The following CALHM5 variants were observed in gnomAD, a reference collection of about 807,000 sequenced individuals.
The protein encoded by CALHM5 is calcium homeostasis modulator protein 5.
In CALHM5, 17 loss-of-function variants were observed where a neutral mutation model predicts 20.9. The ratio of observed to expected loss-of-function variants is 0.82; its 90% CI spans 0.56 to 1.22. CALHM5 has a LOEUF of 1.22. Among genes scored for constraint, CALHM5 ranks in the 50% most tolerant of loss-of-function variants. The pLI is 0.00. For missense variants in CALHM5, 360 were observed against 364.6 expected (o/e 0.99, Z 0.10); for synonymous variants, 148 against 140.0 (o/e 1.06, Z -0.40).
At chr6:116,514,558 G>A (rs904780493) in intron 1 of CALHM5, among the ~76,000 whole-genome samples, 11 of 152,286 alleles carry the variant, frequency 7.2e-5, no homozygotes, top group African/African-American at 2.6e-4. Flanking sequence ...TTCAAGGTGA[G>A]TAACCCTCGT....
At chr6:116,514,696 T>C (rs926493441) in intron 1 of CALHM5, among the ~76,000 whole-genome samples, 2 of 152,222 alleles carry the variant, frequency 1.3e-5, no homozygotes, top group Admixed American at 1.3e-4. Context: ...AAACACTCTA[T>C]ATCTGAGTCA....
Position 116,523,786 on chromosome 6 carries a change from A to C in CALHM5, c.*7797A>C, listed in dbSNP as rs1463504702. 6.6e-6 allele frequency: 1 copy of C among 152,222 alleles called. No individual in the cohort carries two copies. The highest frequency in any genetic ancestry group is 2.4e-5 in the African/African-American group (1 of 41,472). The allele number at this position is 152,222 out of a possible 1,614,324, so 9.4% of individuals were successfully genotyped here. A position where few individuals can be genotyped will look rare whatever the true frequency, so the allele number is the denominator to read the frequency against. ...TTATAGGAAACATAAGCAACAAAAA[A>C]CAAGGCAATTAGCACCACAAAAAAA... On this transcript the variant is annotated 3_prime_UTR_variant, in exon 2 of 2. Transcript: ENST00000368599.
At position 116,517,169 on chromosome 6, in the gene CALHM5, C is replaced by T. The variant is rs1772244728; in HGVS notation, c.*1180C>T. 6.6e-6 allele frequency: 1 copy of T among 152,120 alleles called. No homozygotes were observed. Among genetic ancestry groups the T allele is most frequent in the African/African-American group, 2.4e-5 (1 of 41,422 alleles). The allele number at this position is 152,120 out of a possible 1,614,324, so 9.4% of individuals were successfully genotyped here. On this transcript the variant is annotated 3_prime_UTR_variant, in exon 2 of 2. Coordinates refer to ENST00000368599, the MANE Select transcript of CALHM5 (RefSeq NM_153711.5). Reference sequence around the variant, plus strand: ...CATGACCCAATTACTTCTCAAGGCTCTGCTTCTTAGTACTATCAGCTTGGG... The same window carrying T: ...CATGACCCAATTACTTCTCAAGGCTTTGCTTCTTAGTACTATCAGCTTGGG...
In CALHM5 at chr6:116,516,179, G is replaced by A. The variant is rs1168208022; in HGVS notation, c.*190G>A. 1.5e-6 allele frequency: 1 copy of A among 672,170 alleles called. No homozygotes were observed. The highest frequency in any genetic ancestry group is 2.2e-6 in the Non-Finnish European group (1 of 450,636). 41.6% of individuals were successfully genotyped at this position (672,170 alleles called of 1,614,324 possible). A position where few individuals can be genotyped will look rare whatever the true frequency, so the allele number is the denominator to read the frequency against. ...CAGGATGTGCTCAAATTGATGCTGAGGGGTGACAAAGGTGCTCTTGCATTG... is the reference window on the plus strand; with the variant it reads ...CAGGATGTGCTCAAATTGATGCTGAAGGGTGACAAAGGTGCTCTTGCATTG... On this transcript the variant is annotated 3_prime_UTR_variant, in exon 2 of 2. Coordinates refer to ENST00000368599, the MANE Select transcript of CALHM5 (RefSeq NM_153711.5).
At chr6:116,514,192 G>A (rs1020515331) in intron 1 of CALHM5, among the ~76,000 whole-genome samples, 3 of 152,142 alleles carry the variant, frequency 2.0e-5, no homozygotes, top group African/African-American at 7.2e-5. Context: ...CAATGCAAAC[G>A]TCATGTGAAA....
intron 1 of CALHM5, among the ~76,000 whole-genome samples, chr6:116,513,192 G>A (rs1280143899): frequency 1.3e-5 from 2 of 152,096 alleles, no homozygotes; most frequent in African/African-American, 2.4e-5. Flanking sequence ...TTTTCGACAA[G>A]GATTTGCCTT....
At chr6:116,512,473 T>TC in intron 1 of CALHM5, 2 of 502,896 alleles carry the variant, frequency 4.0e-6, no homozygotes, top group South Asian at 3.2e-5. Flanking sequence ...ATCCACTGGA[T>TC]TGTCCACATA....
chr6:116,514,762 G>A (rs946087980), intron 1 of CALHM5, among the ~76,000 whole-genome samples: 8 of 152,064 alleles, frequency 5.3e-5, no homozygotes, highest in Non-Finnish European at 1.0e-4. Context: ...GGTCTGAATG[G>A]GTTCATTTGT....
rs1020171473 is a variant in CALHM5 at position 116,524,254 on chromosome 6, G to A, written c.*8265G>A. The A allele has an allele frequency of 6.6e-5, 10 of 152,206 alleles. No homozygotes were observed. In the East Asian group the frequency reaches 7.7e-4, roughly 12 times the overall value. 9.4% of individuals were successfully genotyped at this position (152,206 alleles called of 1,614,324 possible). On this transcript the variant is annotated 3_prime_UTR_variant, in exon 2 of 2. Coordinates refer to ENST00000368599, the MANE Select transcript of CALHM5 (RefSeq NM_153711.5). ...TATTGAAGCTGGATGGTAGGTACAC[G>A]GAATTCATTACATTATTCTCTTTAC...
At position 116,520,910 on chromosome 6, in the gene CALHM5, G is replaced by A. The variant is rs906117787; in HGVS notation, c.*4921G>A. 6.6e-6 allele frequency: 1 copy of A among 151,596 alleles called. No homozygotes were observed. The highest frequency in any genetic ancestry group is 1.5e-5 in the Non-Finnish European group (1 of 67,956). The allele number at this position is 151,596 out of a possible 1,614,324, so 9.4% of individuals were successfully genotyped here. A position where few individuals can be genotyped will look rare whatever the true frequency, so the allele number is the denominator to read the frequency against. ...GATGAACTTTCAGAAGTTTTACAGT[G>A]AGCATTTTTTTTTTTATGAATTTAA... On this transcript the variant is annotated 3_prime_UTR_variant, in exon 2 of 2. Coordinates refer to ENST00000368599, the MANE Select transcript of CALHM5 (RefSeq NM_153711.5).
Position 116,520,188 on chromosome 6 carries a change from A to T in CALHM5, c.*4199A>T, listed in dbSNP as rs974365618. On this transcript the variant is annotated 3_prime_UTR_variant, in exon 2 of 2. Coordinates refer to ENST00000368599, the MANE Select transcript of CALHM5 (RefSeq NM_153711.5). ...TGTTTCAAAGCCTGATGATCCACTG[A>T]TTTACTCTAAAAACTGGTTAAAGCA... 4 of 152,118 alleles carry T rather than the reference A, an allele frequency of 2.6e-5. No individual in the cohort carries two copies. The highest frequency in any genetic ancestry group is 7.2e-5 in the African/African-American group (3 of 41,418). 9.4% of individuals were successfully genotyped at this position (152,118 alleles called of 1,614,324 possible).
In CALHM5 at chr6:116,518,638, C is replaced by T. The variant is rs543103850; in HGVS notation, c.*2649C>T. ...TGGAAAAAGACATATAGGAACTGGC[C>T]GATGCCGATGCCTCTTTTGCAGTGT... On this transcript the variant is annotated 3_prime_UTR_variant, in exon 2 of 2. Transcript: ENST00000368599. The T allele has an allele frequency of 3.0e-4, 46 of 152,264 alleles. No homozygotes were observed. Among genetic ancestry groups the T allele is most frequent in the African/African-American group, 8.9e-4 (37 of 41,532 alleles). The allele number at this position is 152,264 out of a possible 1,614,324, so 9.4% of individuals were successfully genotyped here.
In CALHM5 at chr6:116,522,088, G is replaced by A. The variant is rs1421809314; in HGVS notation, c.*6099G>A. ...TTGTCTCAGATATTCTAGCTTAGGG[G>A]TCAGGCATGTGAATGAAGGAGCCAT... On this transcript the variant is annotated 3_prime_UTR_variant, in exon 2 of 2. Transcript: ENST00000368599. 6.6e-6 allele frequency: 1 copy of A among 152,216 alleles called. No individual in the cohort carries two copies. The highest frequency in any genetic ancestry group is 2.4e-5 in the African/African-American group (1 of 41,432). The allele number at this position is 152,216 out of a possible 1,614,324, so 9.4% of individuals were successfully genotyped here. A position where few individuals can be genotyped will look rare whatever the true frequency, so the allele number is the denominator to read the frequency against.
intron 1 of CALHM5, among the ~76,000 whole-genome samples, chr6:116,515,279 A>G (rs887468832): frequency 7.2e-5 from 11 of 152,176 alleles, no homozygotes; most frequent in African/African-American, 2.7e-4. Flanking sequence ...TATCAGAGCT[A>G]ATACTATTTG....
rs1025899725 is a variant in CALHM5, at chr6:116,511,670, A to G, written c.-27A>G. 2.5e-6 allele frequency: 4 copies of G among 1,600,236 alleles called. No individual in the cohort carries two copies. The highest frequency in any genetic ancestry group is 3.4e-6 in the Non-Finnish European group (4 of 1,172,574). ...GCTGCTCTGCCAATAACAAAGGCAC[A>G]GCATTTTCCCTCTGTGCATCTCCAA... On this transcript the variant is annotated 5_prime_UTR_variant, in exon 1 of 2. Coordinates refer to ENST00000368599, the MANE Select transcript of CALHM5 (RefSeq NM_153711.5).
At chr6:116,512,457 G>C in intron 1 of CALHM5, 1 of 529,282 alleles carries the variant, frequency 1.9e-6, no homozygotes, top group Non-Finnish European at 3.3e-6. Context: ...GTTCTGAAAA[G>C]AAAATATCCA....
Position 116,521,945 on chromosome 6 carries a change from C to T in CALHM5, c.*5956C>T, listed in dbSNP as rs189229279. 1 of 152,170 alleles carries T rather than the reference C, an allele frequency of 6.6e-6. No individual in the cohort carries two copies. The highest frequency in any genetic ancestry group is 1.9e-4 in the East Asian group (1 of 5,152). The allele number at this position is 152,170 out of a possible 1,614,324, so 9.4% of individuals were successfully genotyped here. A position where few individuals can be genotyped will look rare whatever the true frequency, so the allele number is the denominator to read the frequency against. On this transcript the variant is annotated 3_prime_UTR_variant, in exon 2 of 2. Coordinates refer to ENST00000368599, the MANE Select transcript of CALHM5 (RefSeq NM_153711.5). ...ATGCTCAACAGTCTGGTAAAAGCCA[C>T]TATGTAAGAACTGCAATTACTCAGG...
In CALHM5 at chr6:116,511,748, A is replaced by G. The variant is rs1165675396; in HGVS notation, c.52A>G (p.Ile18Val). 2 of 1,613,914 alleles carry G rather than the reference A, an allele frequency of 1.2e-6. No homozygotes were observed. Among genetic ancestry groups the G allele is most frequent in the South Asian group, 2.2e-5 (2 of 91,082 alleles). ...ATTCTTCCTTAATCAGAAAACTGTTATTGGCTACAGCTTCATGGCTCTGCT... is the reference window on the plus strand; with the variant it reads ...ATTCTTCCTTAATCAGAAAACTGTTGTTGGCTACAGCTTCATGGCTCTGCT... Reference protein sequence around the residue: ...LKFFLNQKTVIGYSFMALLTV... With the variant: ...LKFFLNQKTVVGYSFMALLTV... Residue 18 changes from isoleucine (I) to valine (V), a missense_variant, in exon 1 of 2, where the codon ATT becomes GTT. Ile to Val is a conservative substitution (Grantham distance 29). Transcript: ENST00000368599.
chr6:116,522,151 A>C lies in CALHM5; in HGVS notation c.*6162A>C, dbSNP rs1296860854. ...GGCCCCAGTGTACACGACATGGAGA[A>C]GAACCAGGAAGTCCAACCAACAGTG... On this transcript the variant is annotated 3_prime_UTR_variant, in exon 2 of 2. Transcript: ENST00000368599. 6.6e-6 allele frequency: 1 copy of C among 152,322 alleles called. No individual in the cohort carries two copies. The highest frequency in any genetic ancestry group is 2.4e-5 in the African/African-American group (1 of 41,474). 9.4% of individuals were successfully genotyped at this position (152,322 alleles called of 1,614,324 possible). A position where few individuals can be genotyped will look rare whatever the true frequency, so the allele number is the denominator to read the frequency against.
Sources: allele counts gnomAD v4.1 joint callset (sites outside exome capture counted in the v4.1 genomes callset), GRCh38; gene constraint gnomAD v4.1.1; transcripts MANE v1.5; gene names NCBI Gene and HGNC (gene_info 2026-07-23, HGNC 2026-07-21).